The following ADAMTS12 variants were observed in gnomAD, a reference collection of about 807,000 sequenced individuals.
ADAMTS12 encodes A disintegrin and metalloproteinase with thrombospondin motifs 12.
Under a neutral mutation model 167.8 loss-of-function variants are expected in ADAMTS12, and 118 were observed. The ratio of observed to expected loss-of-function variants is 0.70; its 90% CI spans 0.61 to 0.82. ADAMTS12 has a LOEUF of 0.82. Among genes scored for constraint, ADAMTS12 ranks in the 40% least tolerant of loss-of-function variants. ADAMTS12 has a pLI of 0.00. For synonymous variants in ADAMTS12, 704 were observed against 716.9 expected (o/e 0.98, Z 0.29); for missense variants, 1,916 against 1,998.8 (o/e 0.96, Z 0.79).
At chr5:33,818,052 A>C (rs1747730389) in intron 2 of ADAMTS12, among the ~76,000 whole-genome samples, 1 of 152,126 alleles carries the variant, frequency 6.6e-6, no homozygotes, top group African/African-American at 2.4e-5. Flanking sequence ...TAGACAGCAA[A>C]ATAAATCTGT....
At chr5:33,854,172 T>C (rs1427151762) in intron 2 of ADAMTS12, among the ~76,000 whole-genome samples, 1 of 152,230 alleles carries the variant, frequency 6.6e-6, no homozygotes, top group East Asian at 1.9e-4. Flanking sequence ...ACCAGGCCTC[T>C]TGTTTTCCCA....
At chr5:33,578,705 G>A (rs750280420) in intron 18 of ADAMTS12, among the ~76,000 whole-genome samples, 1 of 152,150 alleles carries the variant, frequency 6.6e-6, no homozygotes, top group Non-Finnish European at 1.5e-5. Context: ...ACATAATATT[G>A]ACATAGAAAA....
rs1742178417 is a variant in ADAMTS12 at position 33,682,870 on chromosome 5, G to A, written c.915+148C>T. On this transcript the variant is annotated intron_variant, in intron 5 of 23. Coordinates refer to ENST00000504830, the MANE Select transcript of ADAMTS12 (RefSeq NM_030955.4). ...GCTCAGTATCACTGAACTCCCAAGG[G>A]AATAACACAGAAATAATATTTTCCT... is the stretch of plus-strand genomic sequence containing the variant. 6.6e-6 allele frequency: 4 copies of A among 609,382 alleles called. No homozygotes were observed. The African/African-American group carries it at 7.5e-5, about 11-fold the overall frequency. 37.7% of individuals were successfully genotyped at this position (609,382 alleles called of 1,614,324 possible).
intron 3 of ADAMTS12, among the ~76,000 whole-genome samples, chr5:33,738,021 C>T (rs1443114290): frequency 1.3e-5 from 2 of 152,176 alleles, no homozygotes; most frequent in African/African-American, 4.8e-5. Context: ...CACTGTTAAG[C>T]CCTCACCTTA....
intron 3 of ADAMTS12, among the ~76,000 whole-genome samples, chr5:33,712,113 A>C (rs745689896): frequency 6.6e-6 from 1 of 152,154 alleles, no homozygotes; most frequent in South Asian, 2.1e-4. Context: ...GAATGTAACG[A>C]AATTCTGATG....
At chr5:33,603,245 G>A (rs1036405918) in intron 16 of ADAMTS12, among the ~76,000 whole-genome samples, 2 of 152,172 alleles carry the variant, frequency 1.3e-5, no homozygotes, top group African/African-American at 4.8e-5. Flanking sequence ...GAGGCAAAAA[G>A]GTGGCTTTTG....
intron 17 of ADAMTS12, among the ~76,000 whole-genome samples, chr5:33,594,016 G>T (rs1747779528): frequency 6.6e-6 from 1 of 152,174 alleles, no homozygotes; most frequent in South Asian, 2.1e-4. Context: ...TAAATAAAAA[G>T]CACTTTTGTA....
chr5:33,526,360 G>A lies in ADAMTS12; in HGVS notation c.*828C>T, dbSNP rs1481129472. The A allele has an allele frequency of 1.3e-5, 2 of 152,152 alleles. No homozygotes were observed. Among genetic ancestry groups the A allele is most frequent in the African/African-American group, 2.4e-5 (1 of 41,426 alleles). The allele number at this position is 152,152 out of a possible 1,614,324, so 9.4% of individuals were successfully genotyped here. On this transcript the variant is annotated 3_prime_UTR_variant, in exon 24 of 24. Transcript: ENST00000504830. ...CACATTTTCCCTTCTGCAAAGGAGTGTGTATTTGCCAGGAAAGTGGGAAGA... is the reference window on the plus strand; with the variant it reads ...CACATTTTCCCTTCTGCAAAGGAGTATGTATTTGCCAGGAAAGTGGGAAGA...
intron 20 of ADAMTS12, among the ~76,000 whole-genome samples, chr5:33,558,361 G>A (rs1745579517): frequency 6.6e-6 from 1 of 152,090 alleles, no homozygotes; most frequent in South Asian, 2.1e-4. Flanking sequence ...TTACTGGTAG[G>A]AATACAGTAA....
intron 12 of ADAMTS12, among the ~76,000 whole-genome samples, chr5:33,636,060 G>C (rs1740179324): frequency 6.6e-6 from 1 of 152,166 alleles, no homozygotes; most frequent in Non-Finnish European, 1.5e-5. Flanking sequence ...TGCTTTGCTA[G>C]TCAAAAAGTA....
At chr5:33,627,110 T>TGTG (rs915331373) in intron 13 of ADAMTS12, among the ~76,000 whole-genome samples, 3 of 111,636 alleles carry the variant, frequency 2.7e-5, no homozygotes, top group African/African-American at 1.1e-4. Context: ...TGATGATGGT[T>TGTG]GTGGTGGTGG....
chr5:33,723,865 C>T (rs1743887096), intron 3 of ADAMTS12, among the ~76,000 whole-genome samples: 1 of 152,200 alleles, frequency 6.6e-6, no homozygotes, highest in South Asian at 2.1e-4. Flanking sequence ...TGCCATAGTA[C>T]TTTGGAGAAC....
At chr5:33,888,128 T>C (rs1750704240) in intron 1 of ADAMTS12, 1 of 152,246 alleles carries the variant, frequency 6.6e-6, no homozygotes, top group Non-Finnish European at 1.5e-5. Context: ...TCTGTATCGG[T>C]CCAATATTAG....
At chr5:33,623,230 C>T (rs574600220) in intron 14 of ADAMTS12, among the ~76,000 whole-genome samples, 146 of 152,270 alleles carry the variant, frequency 9.6e-4, no homozygotes, top group African/African-American at 3.4e-3. Context: ...GGGCATCAAC[C>T]CTGTGTAGCA....
chr5:33,665,062 T>C (rs1741419385), intron 5 of ADAMTS12, among the ~76,000 whole-genome samples: 2 of 152,124 alleles, frequency 1.3e-5, no homozygotes, highest in South Asian at 4.1e-4. Context: ...ATATATATAA[T>C]GGAACATTCA....
intron 1 of ADAMTS12, among the ~76,000 whole-genome samples, chr5:33,887,551 T>C (rs1195374633): frequency 6.6e-6 from 1 of 152,218 alleles, no homozygotes; most frequent in African/African-American, 2.4e-5. Flanking sequence ...AATACTTTGA[T>C]TTGCCTTGTT....
chr5:33,573,272 A>T (rs1252063646), intron 19 of ADAMTS12, among the ~76,000 whole-genome samples: 1 of 152,200 alleles, frequency 6.6e-6, no homozygotes, highest in African/African-American at 2.4e-5. Flanking sequence ...ATGGAACCAA[A>T]AAAGAGCCCA....
chr5:33,729,772 G>C (rs556362075), intron 3 of ADAMTS12, among the ~76,000 whole-genome samples: 1 of 152,278 alleles, frequency 6.6e-6, no homozygotes, highest in Admixed American at 6.5e-5. Context: ...AAGTGGCAGA[G>C]TGTCCCAAAG....
intron 13 of ADAMTS12, among the ~76,000 whole-genome samples, chr5:33,626,681 T>C (rs111206575): frequency 0.049 from 7,292 of 148,362 alleles, 620 homozygotes; most frequent in African/African-American, 0.17. Flanking sequence ...GGTGATTTGA[T>C]GGTGGTAGTG....
Sources: gnomAD v4.1 joint callset for allele counts (sites outside exome capture counted in the v4.1 genomes callset) on GRCh38, gnomAD v4.1.1 for gene constraint, MANE v1.5 for transcripts, NCBI Gene and HGNC (gene_info 2026-07-23, HGNC 2026-07-21) for gene names.